The following LDAF1 variants were observed in gnomAD, a reference collection of about 807,000 sequenced individuals.
LDAF1 encodes lipid droplet assembly factor 1.
Under a neutral mutation model 13.5 loss-of-function variants are expected in LDAF1, and 7 were observed. The ratio of observed to expected loss-of-function variants is 0.52; its 90% CI spans 0.29 to 0.97. The LOEUF is 0.97. Among genes scored for constraint, LDAF1 ranks in the 50% least tolerant of loss-of-function variants. The pLI, the probability that LDAF1 is intolerant of heterozygous loss-of-function variation, is 0.07. For synonymous variants in LDAF1, 69 were observed against 77.1 expected, an observed-to-expected ratio of 0.89 and a Z score of 0.55; for missense variants, 148 against 193.2, an observed-to-expected ratio of 0.77 and a Z score of 1.39.
At chr16:21,171,919 G>A (rs945403681) in intron 3 of LDAF1, among the ~76,000 whole-genome samples, 1 of 151,780 alleles carries the variant, frequency 6.6e-6, no homozygotes, top group Non-Finnish European at 1.5e-5. Context: ...TGTATTTTTG[G>A]TAGAGATAGG....
intron 4 of LDAF1, chr16:21,178,335 G>A: frequency 1.0e-6 from 1 of 985,378 alleles, no homozygotes; most frequent in Non-Finnish European, 1.2e-6. Flanking sequence ...AAACCAGCCT[G>A]AGCATAACTA....
chr16:21,161,259 CCT>C lies in LDAF1; in HGVS notation c.78_79del (p.Phe27ProfsTer3), dbSNP rs2092970778. 1.9e-6 allele frequency: 3 copies of C among 1,614,186 alleles called. No individual in the cohort carries two copies. The highest frequency in any genetic ancestry group is 2.5e-6 in the Non-Finnish European group (3 of 1,180,052). ...AAGAAGCTGTCTCTGCTGATAGACT[CCT>C]TCCAGAATAACTCAAAGGTCAGTTT... On this transcript the variant is annotated frameshift_variant, in exon 2 of 5. Transcript: ENST00000233047. LOFTEE classifies it high-confidence loss of function.
intron 2 of LDAF1, among the ~76,000 whole-genome samples, chr16:21,167,684 G>A (rs1178412659): frequency 9.9e-5 from 3 of 30,420 alleles, no homozygotes; most frequent in Non-Finnish European, 2.0e-4. Flanking sequence ...CTGAGTCCAA[G>A]ACCTTAGGTT....
At chr16:21,170,747 C>T (rs1249006812) in intron 3 of LDAF1, 142 bp downstream of exon 3, 2 of 985,098 alleles carry the variant, frequency 2.0e-6, no homozygotes, top group Non-Finnish European at 3.0e-6. Context: ...CTCAAGTGAT[C>T]CTCCCACGTC....
rs374777604 is a variant in LDAF1 at position 21,160,161 on chromosome 16, CTT to C, written c.-98-921_-98-920del. 2.6e-4 allele frequency among the ~76,000 whole-genome samples: 36 copies of C among 136,844 alleles called. 1 individual carries two copies. In the South Asian group the frequency reaches 4.4e-3, roughly 17 times the overall value. 89.8% of individuals were successfully genotyped at this position (136,844 alleles called of 152,430 possible). On this transcript the variant is annotated intron_variant, in intron 1 of 4. Coordinates refer to ENST00000233047, the MANE Select transcript of LDAF1 (RefSeq NM_001301771.2). ...TTAATTTTGGCCACGTGGACACAAT[CTT>C]TTAAGCATTTGTACTGTAGGTCAGG...
At chr16:21,174,266 TAC>T (rs1437688604) in intron 4 of LDAF1, 118 bp downstream of exon 4, 1 of 942,382 alleles carries the variant, frequency 1.1e-6, no homozygotes, top group Non-Finnish European at 1.5e-6. Flanking sequence ...CATAGCTCGC[TAC>T]AGCCTCAACC....
chr16:21,162,394 C>G (rs914806006), intron 2 of LDAF1, among the ~76,000 whole-genome samples: 3 of 71,306 alleles, frequency 4.2e-5, no homozygotes, highest in Non-Finnish European at 7.7e-5. Context: ...AATGAGACTT[C>G]AGATAGCGTT....
chr16:21,173,749 C>T (rs1375851886), intron 3 of LDAF1, among the ~76,000 whole-genome samples: 1 of 151,908 alleles, frequency 6.6e-6, no homozygotes, highest in East Asian at 1.9e-4. Context: ...GCAAAGCAGC[C>T]CATGTGTGAT....
chr16:21,159,860 G>A, intron 1 of LDAF1: 1 of 954,042 alleles, frequency 1.0e-6, no homozygotes. Flanking sequence ...GTTTCTGCTT[G>A]CTGCAGAGAT....
At chr16:21,167,440 A>G (rs1345586742) in intron 2 of LDAF1, among the ~76,000 whole-genome samples, 1 of 152,250 alleles carries the variant, frequency 6.6e-6, no homozygotes, top group African/African-American at 2.4e-5. Context: ...GAGCCTAAGG[A>G]GGAGAGGGGG....
intron 2 of LDAF1, among the ~76,000 whole-genome samples, chr16:21,161,863 T>A (rs2092978307): frequency 6.6e-6 from 1 of 152,132 alleles, no homozygotes; most frequent in Admixed American, 6.6e-5. Context: ...AAGAAATAGG[T>A]AAAATTAATT....
intron 2 of LDAF1, among the ~76,000 whole-genome samples, chr16:21,163,388 G>A (rs1597532035): frequency 1.3e-5 from 2 of 152,302 alleles, no homozygotes; most frequent in East Asian, 3.9e-4. Flanking sequence ...GCTCACACCT[G>A]TAATCCTAGT....
chr16:21,170,182 A>T, intron 2 of LDAF1: 1 of 342,846 alleles, frequency 2.9e-6, no homozygotes, highest in Non-Finnish European at 4.1e-6. Context: ...TTGTATTTTT[A>T]GTAGAGACGG....
chr16:21,177,533 T>C (rs536574458), intron 4 of LDAF1, among the ~76,000 whole-genome samples: 21 of 152,122 alleles, frequency 1.4e-4, no homozygotes, highest in Non-Finnish European at 2.4e-4. Context: ...TGTTCCCTTG[T>C]GAGAGAATGT....
At chr16:21,175,600 A>G (rs1486358729) in intron 4 of LDAF1, among the ~76,000 whole-genome samples, 1 of 152,254 alleles carries the variant, frequency 6.6e-6, no homozygotes, top group Non-Finnish European at 1.5e-5. Flanking sequence ...ACAGACCAGG[A>G]AGTAAATGCA....
At chr16:21,165,034 C>G (rs547100991) in intron 2 of LDAF1, among the ~76,000 whole-genome samples, 14 of 152,202 alleles carry the variant, frequency 9.2e-5, no homozygotes, top group Non-Finnish European at 2.1e-4. Context: ...GTGTCCTCCC[C>G]TCCTGGGACA....
intron 1 of LDAF1, 24 bp from the exon 2 acceptor site, chr16:21,161,061 G>A (rs1027773667): frequency 2.2e-5 from 33 of 1,476,984 alleles, no homozygotes; most frequent in South Asian, 1.9e-4. Flanking sequence ...GACCACTAAC[G>A]GCTTTTGTTT....
chr16:21,178,585 T>G (rs1363744402), intron 4 of LDAF1, among the ~76,000 whole-genome samples: 2 of 152,164 alleles, frequency 1.3e-5, no homozygotes, highest in Admixed American at 6.5e-5. Flanking sequence ...CTTAGCCCAT[T>G]GGTTTCCTAC....
intron 2 of LDAF1, chr16:21,166,932 C>G: frequency 6.5e-7 from 1 of 1,534,504 alleles, no homozygotes; most frequent in Middle Eastern, 1.7e-4. Context: ...CTACAGTCAT[C>G]TCTGGCTAGA....
Sources: allele counts gnomAD v4.1 joint callset (sites outside exome capture counted in the v4.1 genomes callset), GRCh38; gene constraint gnomAD v4.1.1; transcripts MANE v1.5; gene names NCBI Gene and HGNC (gene_info 2026-07-23, HGNC 2026-07-21).